RAB31: variants seen among roughly 807,000 people sequenced by gnomAD.
RAB31 encodes the protein RAB31, member RAS oncogene family, also known as ras-related protein Rab-31.
RAB31 carries 21 observed loss-of-function variants against 25.6 expected under a neutral mutation model. The ratio of observed to expected loss-of-function variants is 0.82; its 90% CI spans 0.58 to 1.18. The LOEUF (loss-of-function observed/expected upper bound fraction) is 1.18, where lower values mean the gene tolerates loss of function less well. Ranked by LOEUF, RAB31 falls within the 50% of genes most tolerant of loss-of-function variation. The pLI is 0.00. For synonymous variants in RAB31, 87 were observed against 84.0 expected, an observed-to-expected ratio of 1.04 and a Z score of -0.20; for missense variants, 196 against 250.1, an observed-to-expected ratio of 0.78 and a Z score of 1.46.
rs148488051 is a variant in RAB31, at chr18:9,804,678, T to C, written c.202-9342T>C. ...GAATAGGAAATTAGCAAATAGACTT[T>C]GTTTGGTAACAGAAGAACCTGTTCC... On this transcript the variant is annotated intron_variant, in intron 3 of 6. Transcript: ENST00000578921. Among the ~76,000 whole-genome samples, 8 of 152,296 alleles carry C rather than the reference T, an allele frequency of 5.3e-5. No individual in the cohort carries two copies. The East Asian group carries it at 1.5e-3, about 29-fold the overall frequency.
At position 9,708,442 on chromosome 18, in the gene RAB31, G is replaced by A. The variant is rs781029967; in HGVS notation, c.37G>A (p.Gly13Arg). 4 of 1,568,830 alleles carry A rather than the reference G, an allele frequency of 2.5e-6. No homozygotes were observed. The highest frequency in any genetic ancestry group is 3.5e-6 in the Non-Finnish European group (4 of 1,159,100). ...AIRELKVCLL[G>R]DTGVGKSSIV... ...ACGGGAGCTCAAAGTGTGCCTTCTC[G>A]GGGTGAGTCCTGGCCGCCACCCGCC... The change falls in exon 1 of 7, where the codon GGG becomes AGG. Residue 13 changes from glycine (G) to arginine (R), a missense_variant and splice_region_variant. By Grantham distance (125) the Gly-to-Arg change is moderately radical (BLOSUM62 -2). Transcript: ENST00000578921. The surrounding 1 kb of genome is among the most constrained non-coding windows in gnomAD (Gnocchi z 6.4).
intron 1 of RAB31, among the ~76,000 whole-genome samples, chr18:9,719,527 G>A (rs921440057): frequency 6.6e-6 from 1 of 151,252 alleles, no homozygotes; most frequent in South Asian, 2.1e-4. Context: ...TAATCCCACA[G>A]CCAAAGATAA....
At chr18:9,771,459 G>A (rs1212415299) in intron 1 of RAB31, among the ~76,000 whole-genome samples, 1 of 152,170 alleles carries the variant, frequency 6.6e-6, no homozygotes, top group Non-Finnish European at 1.5e-5. Context: ...TCTCTTCCAA[G>A]GCTCCTTCTT....
At chr18:9,731,596 CTTTTTT>C (rs10685568) in intron 1 of RAB31, among the ~76,000 whole-genome samples, 5 of 107,636 alleles carry the variant, frequency 4.6e-5, no homozygotes, top group Non-Finnish European at 7.1e-5. Flanking sequence ...TGGGAATTTG[CTTTTTT>C]TTTTTTTTTT....
chr18:9,717,346 A>G (rs1241910824), intron 1 of RAB31, among the ~76,000 whole-genome samples: 2 of 152,088 alleles, frequency 1.3e-5, no homozygotes, highest in African/African-American at 2.4e-5. Context: ...TGTTTGCACC[A>G]TATTTAACCC....
rs548367409 is a variant in RAB31, at chr18:9,717,720, C to T, written c.39+9276C>T. Among the ~76,000 whole-genome samples, 5 of 152,276 alleles carry T rather than the reference C, an allele frequency of 3.3e-5. No individual in the cohort carries two copies. The East Asian group carries it at 9.6e-4, about 29-fold the overall frequency. On this transcript the variant is annotated intron_variant, in intron 1 of 6. Transcript: ENST00000578921. ...AAAGACAGAGAGACACGCACGTACA[C>T]ACACAGACACACGTACACACAGTAT...
chr18:9,824,644 C>G (rs2068641117), intron 5 of RAB31, among the ~76,000 whole-genome samples: 1 of 152,264 alleles, frequency 6.6e-6, no homozygotes, highest in East Asian at 1.9e-4. Context: ...GGCAGAGATG[C>G]CTGTTCAGTG....
At chr18:9,853,267 G>C (rs1008081561) in intron 6 of RAB31, among the ~76,000 whole-genome samples, 1 of 151,740 alleles carries the variant, frequency 6.6e-6, no homozygotes, top group Admixed American at 6.6e-5. Context: ...CTTTTGATTT[G>C]TGCTTTTTCT....
At position 9,708,380 on chromosome 18, in the gene RAB31, C is replaced by A; in HGVS notation, c.-26C>A. 6.5e-7 allele frequency: 1 copy of A among 1,541,990 alleles called. No individual in the cohort carries two copies. The highest frequency in any genetic ancestry group is 8.7e-7 in the Non-Finnish European group (1 of 1,144,516). On this transcript the variant is annotated 5_prime_UTR_variant, in exon 1 of 7. Coordinates refer to ENST00000578921, the MANE Select transcript of RAB31 (RefSeq NM_006868.4). The surrounding 1 kb of genome is among the most constrained non-coding windows in gnomAD (Gnocchi z 6.4). ...GGCGGCCCCGGAGGATGCTGCTGAG[C>A]CCCGGCACTGCCTGGCTGCGAGCAC... is the stretch of plus-strand genomic sequence containing the variant.
At chr18:9,745,053 C>CTG (rs1206723758) in intron 1 of RAB31, among the ~76,000 whole-genome samples, 1 of 151,916 alleles carries the variant, frequency 6.6e-6, no homozygotes, top group Non-Finnish European at 1.5e-5. Flanking sequence ...AATCAACATA[C>CTG]CTTAAGCTAC....
chr18:9,857,864 CAA>C (rs1184208756), intron 6 of RAB31, among the ~76,000 whole-genome samples: 19 of 133,780 alleles, frequency 1.4e-4, no homozygotes, highest in Middle Eastern at 3.8e-3. Context: ...CCTATCTCTA[CAA>C]AAAAAAAAAA....
In RAB31 at chr18:9,729,526, C is replaced by CAA. The variant is rs11431212; in HGVS notation, c.39+21095_39+21096dup. On this transcript the variant is annotated intron_variant, in intron 1 of 6. Coordinates refer to ENST00000578921, the MANE Select transcript of RAB31 (RefSeq NM_006868.4). Reference sequence around the variant, plus strand: ...TGGGGGACAGAGTGAGACTCCGTCTCAAAAAAAAAAAAAAGTGTTTAGCTA... The same window carrying CAA: ...TGGGGGACAGAGTGAGACTCCGTCTCAAAAAAAAAAAAAAAAGTGTTTAGCTA... Among the ~76,000 whole-genome samples the CAA allele has an allele frequency of 9.5e-3, 1,253 of 131,680 alleles. 15 individuals are homozygous for CAA. Among genetic ancestry groups the CAA allele is most frequent in the African/African-American group, 0.028 (1,041 of 36,646 alleles). 86.4% of individuals were successfully genotyped at this position (131,680 alleles called of 152,430 possible). A position where few individuals can be genotyped will look rare whatever the true frequency, so the allele number is the denominator to read the frequency against.
At chr18:9,806,725 A>T (rs1031411834) in intron 3 of RAB31, among the ~76,000 whole-genome samples, 29 of 152,314 alleles carry the variant, frequency 1.9e-4, no homozygotes, top group African/African-American at 6.7e-4. Flanking sequence ...TTAACATAAG[A>T]TGATGTCAAG....
At position 9,862,216 on chromosome 18, in the gene RAB31, T is replaced by C. The variant is rs577097398; in HGVS notation, c.*2891T>C. 1 of 152,334 alleles carries C rather than the reference T, an allele frequency of 6.6e-6. No individual in the cohort carries two copies. Among genetic ancestry groups the C allele is most frequent in the South Asian group, 2.1e-4 (1 of 4,832 alleles). The allele number at this position is 152,334 out of a possible 1,614,324, so 9.4% of individuals were successfully genotyped here. On this transcript the variant is annotated 3_prime_UTR_variant, in exon 7 of 7. Coordinates refer to ENST00000578921, the MANE Select transcript of RAB31 (RefSeq NM_006868.4). The stretch of plus-strand genomic sequence containing the variant: ...TCTGCAATGCTCATGGCAAGTTGAA[T>C]GGTGAGCTAGCTTATAAATTAAAGA...
At chr18:9,761,296 C>T (rs1263782668) in intron 1 of RAB31, among the ~76,000 whole-genome samples, 4 of 152,216 alleles carry the variant, frequency 2.6e-5, no homozygotes, top group Non-Finnish European at 5.9e-5. Flanking sequence ...ACCCCTCACA[C>T]TGCTGACCTA....
chr18:9,828,900 G>A (rs2068663438), intron 5 of RAB31, among the ~76,000 whole-genome samples: 1 of 152,132 alleles, frequency 6.6e-6, no homozygotes, highest in Non-Finnish European at 1.5e-5. Flanking sequence ...GAAGAATAGA[G>A]TCTGTGCTGT....
At chr18:9,827,916 T>C (rs2068658064) in intron 5 of RAB31, among the ~76,000 whole-genome samples, 1 of 152,170 alleles carries the variant, frequency 6.6e-6, no homozygotes, top group African/African-American at 2.4e-5. Flanking sequence ...AATGTAAGAC[T>C]GTATTTAATG....
intron 6 of RAB31, among the ~76,000 whole-genome samples, chr18:9,852,898 C>T (rs1568196794): frequency 6.6e-6 from 1 of 152,180 alleles, no homozygotes; most frequent in Non-Finnish European, 1.5e-5. Context: ...ACGCTTGGTA[C>T]CGTCGGTTTG....
At chr18:9,722,421 GGAA>G (rs1215615805) in intron 1 of RAB31, among the ~76,000 whole-genome samples, 14 of 152,254 alleles carry the variant, frequency 9.2e-5, no homozygotes, top group Middle Eastern at 3.4e-3. Context: ...GGAGCACAAG[GGAA>G]TTAAACCATG....
Sources: allele counts gnomAD v4.1 joint callset (sites outside exome capture counted in the v4.1 genomes callset), GRCh38; gene constraint gnomAD v4.1.1; non-coding constraint Gnocchi (gnomAD v3.1); transcripts MANE v1.5; gene names NCBI Gene and HGNC (gene_info 2026-07-23, HGNC 2026-07-21).